The following AHNAK2 variants were observed in gnomAD, a reference collection of about 807,000 sequenced individuals.
The protein encoded by AHNAK2 is protein AHNAK2.
In AHNAK2, 18 loss-of-function variants were observed where a neutral mutation model predicts 30.7. The ratio of observed to expected loss-of-function variants is 0.59; its 90% confidence interval spans 0.41 to 0.87. The LOEUF (loss-of-function observed/expected upper bound fraction) is 0.87. AHNAK2 is among the 40% of genes least tolerant of loss of function. AHNAK2 has a pLI of 0.00. For synonymous variants in AHNAK2, 3,590 were observed against 3,073.8 expected, an observed-to-expected ratio of 1.17 and a Z score of -5.56; for missense variants, 8,604 against 7,373.0, an observed-to-expected ratio of 1.17 and a Z score of -6.11.
In AHNAK2 at chr14:104,943,116, C is replaced by T. The variant is rs373306240; in HGVS notation, c.12335G>A (p.Gly4112Asp). ...DVQAPRAKLD[G>D]VQLEGDLSLA... is the part of the protein sequence containing the mutation. ...GGACAGGTCCCCCTCCAGCTGCACA[C>T]CATCCAGCTTTGCTCTCGGGGCCTG... The change falls in exon 7 of 7, where the codon GGT (glycine) becomes GAT (aspartate). Residue 4112 changes from glycine to aspartate, a missense_variant. Transcript: ENST00000333244. 1 of 1,613,140 alleles carries T rather than the reference C, an allele frequency of 6.2e-7. No individual in the cohort carries two copies. The highest frequency in any genetic ancestry group is 1.3e-5 in the African/African-American group (1 of 74,696).
rs916057151 is a variant in AHNAK2 at position 104,966,223 on chromosome 14, G to A, written c.56-8551C>T. Reference sequence around the variant, plus strand: ...TCAACACTCACCCCCACGTCATCCCGGCCCCGCCACCTTCCTACTGCTCCG... The same window carrying A: ...TCAACACTCACCCCCACGTCATCCCAGCCCCGCCACCTTCCTACTGCTCCG... On this transcript the variant is annotated intron_variant, in intron 1 of 6. Transcript: ENST00000333244. The surrounding 1 kb of genome is among the most constrained non-coding windows in gnomAD (Gnocchi z 4.3). 3.3e-5 allele frequency among the ~76,000 whole-genome samples: 5 copies of A among 151,942 alleles called. No individual in the cohort carries two copies. The highest frequency in any genetic ancestry group is 1.9e-4 in the East Asian group (1 of 5,182).
At chr14:104,977,554 C>G (rs924981234) in intron 1 of AHNAK2, among the ~76,000 whole-genome samples, 8 of 152,216 alleles carry the variant, frequency 5.3e-5, no homozygotes, top group African/African-American at 1.9e-4. Context: ...CCCCAGACCT[C>G]AGGCCTAGCC....
chr14:104,951,562 C>T lies in AHNAK2; in HGVS notation c.3889G>A (p.Asp1297Asn). The change falls in exon 7 of 7, where the codon GAC becomes AAC. Residue 1297 changes from aspartate (D) to asparagine (N), a missense_variant. Physicochemically the swap from Asp to Asn is conservative, Grantham distance 23. Transcript: ENST00000333244. ...VAVSLPSVEV[D>N]MQAPGAKLDG... ...AACTTGGCTCCCGGGGCCTGCATGTCCACCTCCACACTGGGCAGAGACACA... is the reference window on the plus strand; with the variant it reads ...AACTTGGCTCCCGGGGCCTGCATGTTCACCTCCACACTGGGCAGAGACACA... 8.0e-7 allele frequency: 1 copy of T among 1,248,124 alleles called. No homozygotes were observed. The highest frequency in any genetic ancestry group is 1.1e-6 in the Non-Finnish European group (1 of 881,232). The allele number at this position is 1,248,124 out of a possible 1,614,324, so 77.3% of individuals were successfully genotyped here.
Position 104,966,792 on chromosome 14 carries a change from A to G in AHNAK2, c.56-9120T>C, listed in dbSNP as rs10873552. Among the ~76,000 whole-genome samples, 77,814 of 152,150 alleles carry G rather than the reference A, an allele frequency of 0.51. 21,787 individuals are homozygous for G. Among genetic ancestry groups the G allele is most frequent in the Non-Finnish European group, 0.64 (43,411 of 67,966 alleles). ...TCGTGGGACGGGGTGGTGCCAAGGA[A>G]AGGGACAGGAATCTGGCCAGAGCCT... On this transcript the variant is annotated intron_variant, in intron 1 of 6. Coordinates refer to ENST00000333244, the MANE Select transcript of AHNAK2 (RefSeq NM_138420.4). This position sits in a 1 kb window ranked among gnomAD's most constrained non-coding sequence, Gnocchi z 4.3.
In AHNAK2 at chr14:104,945,483, G is replaced by A. The variant is rs755225821; in HGVS notation, c.9968C>T (p.Pro3323Leu). The change falls in exon 7 of 7, where the codon CCA (proline) becomes CTA (leucine). Residue 3323 changes from proline (P) to leucine (L), a missense_variant. Pro to Leu is a moderately conservative substitution (Grantham distance 98). Transcript: ENST00000333244. Reference sequence around the variant, plus strand: ...CACCGAGGCCTGGATGGACTTGCCTGGGGCAGACGCCCTGTACGACGGCAT... The same window carrying A: ...CACCGAGGCCTGGATGGACTTGCCTAGGGCAGACGCCCTGTACGACGGCAT... ...FKMPSYRASA[P>L]GKSIQASVDV... The A allele has an allele frequency of 3.7e-6, 6 of 1,613,388 alleles. No individual in the cohort carries two copies. The East Asian group carries it at 6.7e-5, about 18-fold the overall frequency.
rs201959909 is a variant in AHNAK2, at chr14:104,948,913, G to A, written c.6538C>T (p.Pro2180Ser). 75 of 1,563,424 alleles carry A rather than the reference G, an allele frequency of 4.8e-5. No individual in the cohort carries two copies. Among genetic ancestry groups the A allele is most frequent in the Non-Finnish European group, 6.2e-5 (71 of 1,153,554 alleles). The change falls in exon 7 of 7, where the codon CCA (proline) becomes TCA (serine). Residue 2180 changes from proline (P) to serine (S), a missense_variant. Physicochemically the swap from Pro to Ser is moderately conservative, Grantham distance 74. Transcript: ENST00000333244. ...CTCATGTCGGCCTCCACCTTGGGTGGAGACACATCCACCGAGGCCTCGATG... is the reference window on the plus strand; with the variant it reads ...CTCATGTCGGCCTCCACCTTGGGTGAAGACACATCCACCGAGGCCTCGATG... ...KSIEASVDVS[P>S]PKVEADMSLP... is the part of the protein sequence containing the mutation.
rs764307495 is a variant in AHNAK2 at position 104,949,573 on chromosome 14, C to T, written c.5878G>A (p.Ala1960Thr). The change falls in exon 7 of 7, where the codon GCC becomes ACC. Residue 1960 changes from alanine to threonine, a missense_variant. Ala to Thr is a moderately conservative substitution (Grantham distance 58). Coordinates refer to ENST00000333244, the MANE Select transcript of AHNAK2 (RefSeq NM_138420.4). ...GCACCATCCAGCTTAGCCTTCTGGGCCTGGACATCCACCTCCATGCTGGGC... is the reference window on the plus strand; with the variant it reads ...GCACCATCCAGCTTAGCCTTCTGGGTCTGGACATCCACCTCCATGCTGGGC... ...SLPSMEVDVQAQKAKLDGARL... is the reference protein window; with the variant it reads ...SLPSMEVDVQTQKAKLDGARL... 3 of 1,588,578 alleles carry T rather than the reference C, an allele frequency of 1.9e-6. No individual in the cohort carries two copies. Among genetic ancestry groups the T allele is most frequent in the East Asian group, 4.5e-5 (2 of 44,716 alleles).
rs754670931 is a variant in AHNAK2 at position 104,947,993 on chromosome 14, G to A, written c.7458C>T (p.Pro2486=). The change falls in exon 7 of 7, where the codon CCC becomes CCT. Residue 2486 remains proline (P), a synonymous_variant. Transcript: ENST00000333244. ...VTTKDSRFKI[P]KFKMPSFGVS... ...CCCCGAATGACGGCATCTTGAACTT[G>A]GGAATTTTGAACCTGCTGTCTTTGG... 7.4e-6 allele frequency: 12 copies of A among 1,612,424 alleles called. No individual in the cohort carries two copies. Among genetic ancestry groups the A allele is most frequent in the Admixed American group, 6.7e-5 (4 of 59,922 alleles).
At chr14:104,970,485 G>T in intron 1 of AHNAK2, 1 of 985,296 alleles carries the variant, frequency 1.0e-6, no homozygotes, top group Non-Finnish European at 1.2e-6. Context: ...CTCCCAACTG[G>T]CCCAGAAGCG....
rs201184803 is a variant in AHNAK2 at position 104,950,862 on chromosome 14, G to A, written c.4589C>T (p.Pro1530Leu). The A allele has an allele frequency of 2.3e-4, 359 of 1,583,792 alleles. 19 individuals are homozygous for A. The African/African-American group carries it at 2.8e-3, about 12-fold the overall frequency. ...APKVEADVSLPSMQGDLKATD... is the reference protein window; with the variant it reads ...APKVEADVSLLSMQGDLKATD... The stretch of plus-strand genomic sequence containing the variant: ...GGCCTTGAGGTCCCCCTGCATGGAG[G>A]GGAGGCTCACGTCGGCCTCCACCTT... Residue 1530 changes from proline to leucine, a missense_variant, in exon 7 of 7, where the codon CCC becomes CTC. Transcript: ENST00000333244.
Position 104,940,437 on chromosome 14 carries a change from A to G in AHNAK2, c.15014T>C (p.Leu5005Pro). The G allele has an allele frequency of 6.2e-7, 1 of 1,613,910 alleles. No individual in the cohort carries two copies. The highest frequency in any genetic ancestry group is 8.5e-7 in the Non-Finnish European group (1 of 1,179,902). The stretch of plus-strand genomic sequence containing the variant: ...CTTCTCTCCATCCCTCTCAGGAGGC[A>G]GATCCATGTGGATGGCAGACTGCGG... ...VAPQSAIHMD[L>P]PPERDGEKGR... Residue 5005 changes from leucine to proline, a missense_variant, in exon 7 of 7, where the codon CTG (leucine) becomes CCG (proline). Coordinates refer to ENST00000333244, the MANE Select transcript of AHNAK2 (RefSeq NM_138420.4). This position sits in a 1 kb window ranked among gnomAD's most constrained non-coding sequence, Gnocchi z 4.4.
chr14:104,949,757 C>A lies in AHNAK2; in HGVS notation c.5694G>T (p.Glu1898Asp). 1 of 1,587,882 alleles carries A rather than the reference C, an allele frequency of 6.3e-7. No homozygotes were observed. The highest frequency in any genetic ancestry group is 8.6e-7 in the Non-Finnish European group (1 of 1,163,228). Residue 1898 changes from glutamate to aspartate, a missense_variant, in exon 7 of 7, where the codon GAG (glutamate) becomes GAT (aspartate). By Grantham distance (45) the Glu-to-Asp change is conservative (BLOSUM62 2). Transcript: ENST00000333244. ...GCAAGTGCCCTTTGAGGCCGGCTCC[C>A]TCGGGCACCTGGCCCTCCGGGAGCT... is the stretch of plus-strand genomic sequence containing the variant. ...DMKLPEGQVP[E>D]GAGLKGHLPK...
At chr14:104,974,363 C>T (rs1211069203) in intron 1 of AHNAK2, among the ~76,000 whole-genome samples, 1 of 152,250 alleles carries the variant, frequency 6.6e-6, no homozygotes, top group Non-Finnish European at 1.5e-5. Context: ...CCGGTGCCCT[C>T]AGGACAAAGC....
Position 104,940,288 on chromosome 14 carries a change from C to G in AHNAK2, c.15163G>C (p.Gly5055Arg), listed in dbSNP as rs778185521. ...VDPSLSSATA[G>R]GSFQDTEKAS... The stretch of plus-strand genomic sequence containing the variant: ...TTTTCTGTGTCTTGAAAGCTACCCC[C>G]TGCTGTGGCACTAGAAAGGGAAGGA... The change falls in exon 7 of 7, where the codon GGG (glycine) becomes CGG (arginine). Residue 5055 changes from glycine to arginine, a missense_variant. By Grantham distance (125) the Gly-to-Arg change is moderately radical (BLOSUM62 -2). Transcript: ENST00000333244. The surrounding 1 kb of genome is among the most constrained non-coding windows in gnomAD (Gnocchi z 4.4). 22 of 1,613,644 alleles carry G rather than the reference C, an allele frequency of 1.4e-5. No individual in the cohort carries two copies. The highest frequency in any genetic ancestry group is 1.6e-4 in the Middle Eastern group (1 of 6,084).
intron 1 of AHNAK2, among the ~76,000 whole-genome samples, chr14:104,976,799 G>GCTGT (rs3055546): frequency 0.35 from 53,826 of 151,952 alleles, 12,251 homozygotes; most frequent in Non-Finnish European, 0.52. Flanking sequence ...GAGCAGAAAG[G>GCTGT]CTGTGCAGGG....
intron 1 of AHNAK2, among the ~76,000 whole-genome samples, chr14:104,960,626 C>T (rs964487353): frequency 5.9e-5 from 9 of 152,082 alleles, no homozygotes; most frequent in African/African-American, 1.9e-4. Flanking sequence ...CTGGCATTGC[C>T]TGGGGCTGGG....
Position 104,958,068 on chromosome 14 carries a change from C to G in AHNAK2, c.56-396G>C, listed in dbSNP as rs114750569. Among the ~76,000 whole-genome samples the G allele has an allele frequency of 1.8e-3, 268 of 152,314 alleles. 2 individuals are homozygous for G. Among genetic ancestry groups the G allele is most frequent in the African/African-American group, 6.2e-3 (258 of 41,558 alleles). On this transcript the variant is annotated intron_variant, in intron 1 of 6. Coordinates refer to ENST00000333244, the MANE Select transcript of AHNAK2 (RefSeq NM_138420.4). Reference sequence around the variant, plus strand: ...ACGCGAAGAAACAAGAATGTATGGTCCATACTGAGAAACAAAGCAGTGAAT... The same window carrying G: ...ACGCGAAGAAACAAGAATGTATGGTGCATACTGAGAAACAAAGCAGTGAAT...
rs746162370 is a variant in AHNAK2 at position 104,939,195 on chromosome 14, T to A, written c.16256A>T (p.Asn5419Ile). 5 of 1,613,636 alleles carry A rather than the reference T, an allele frequency of 3.1e-6. No individual in the cohort carries two copies. Among genetic ancestry groups the A allele is most frequent in the Non-Finnish European group, 4.2e-6 (5 of 1,179,862 alleles). The change falls in exon 7 of 7, where the codon AAT becomes ATT. Residue 5419 changes from asparagine (N) to isoleucine (I), a missense_variant. By Grantham distance (149) the Asn-to-Ile change is moderately radical. Coordinates refer to ENST00000333244, the MANE Select transcript of AHNAK2 (RefSeq NM_138420.4). ...TVREVQCPEA[N>I]IDTALCKESP... is the part of the protein sequence containing the mutation. ...TTCCTTACAAAGGGCTGTATCAATA[T>A]TGGCCTCTGGACACTGCACTTCCCT...
Position 104,953,249 on chromosome 14 carries a change from G to A in AHNAK2, c.2202C>T (p.Val734=). The A allele has an allele frequency of 3.1e-6, 5 of 1,612,960 alleles. No individual in the cohort carries two copies. Among genetic ancestry groups the A allele is most frequent in the South Asian group, 1.1e-5 (1 of 91,022 alleles). ...GTTTCACATCCACTTGGCCATCCTG[G>A]ACCTCCAGGTCAGCGGAAGGGGTCT... The part of the protein sequence containing the change: ...SVQTPSADLE[V]QDGQVDVKLP... The change falls in exon 7 of 7, where the codon GTC becomes GTT. Residue 734 remains valine (V), a synonymous_variant. Coordinates refer to ENST00000333244, the MANE Select transcript of AHNAK2 (RefSeq NM_138420.4).
Sources: gnomAD v4.1 joint callset for allele counts (sites outside exome capture counted in the v4.1 genomes callset) on GRCh38, gnomAD v4.1.1 for gene constraint, Gnocchi (gnomAD v3.1) non-coding constraint, MANE v1.5 for transcripts, NCBI Gene and HGNC (gene_info 2026-07-23, HGNC 2026-07-21) for gene names.